The following MYO3B variants were observed in gnomAD, a reference collection of about 807,000 sequenced individuals.
MYO3B encodes myosin-IIIb.
Under a neutral mutation model 174.6 loss-of-function variants are expected in MYO3B, and 156 were observed. That is an observed-to-expected ratio of 0.89 (90% CI 0.78 to 1.02). The LOEUF (loss-of-function observed/expected upper bound fraction) is 1.02, where lower values mean the gene tolerates loss of function less well. MYO3B is among the 50% of genes least tolerant of loss of function. The pLI, the probability that MYO3B is intolerant of heterozygous loss-of-function variation, is 0.00. For missense variants in MYO3B, 1,632 were observed against 1,639.4 expected (o/e 1.00, Z 0.08); for synonymous variants, 563 against 569.1 (o/e 0.99, Z 0.15).
At chr2:170,636,242 C>A (rs1453393786) in intron 32 of MYO3B, among the ~76,000 whole-genome samples, 1 of 152,146 alleles carries the variant, frequency 6.6e-6, no homozygotes, top group Non-Finnish European at 1.5e-5. Flanking sequence ...ATAACTGGTT[C>A]ATCATGGCCA....
Position 170,444,041 on chromosome 2 carries a change from G to A in MYO3B, c.2725G>A (p.Ala909Thr), listed in dbSNP as rs930783937. The A allele has an allele frequency of 2.2e-5, 35 of 1,612,548 alleles. No homozygotes were observed. Among genetic ancestry groups the A allele is most frequent in the Non-Finnish European group, 2.9e-5 (34 of 1,178,962 alleles). ...GCCTCCACATTTCAGTGCTGGGAAAGCCAAGGTGAGTAACAGATTTGCACC... is the reference window on the plus strand; with the variant it reads ...GCCTCCACATTTCAGTGCTGGGAAAACCAAGGTGAGTAACAGATTTGCACC... Reference protein sequence around the residue: ...SLPPHFSAGKAKVDTLEVIRH... With the variant: ...SLPPHFSAGKTKVDTLEVIRH... Residue 909 changes from alanine to threonine, a missense_variant, in exon 23 of 35, where the codon GCC becomes ACC. Physicochemically the swap from Ala to Thr is moderately conservative, Grantham distance 58. Coordinates refer to ENST00000408978, the MANE Select transcript of MYO3B (RefSeq NM_138995.5).
chr2:170,631,744 A>G (rs897300580), intron 32 of MYO3B, among the ~76,000 whole-genome samples: 1 of 151,574 alleles, frequency 6.6e-6, no homozygotes, highest in South Asian at 2.1e-4. Flanking sequence ...AGTGGGGGCC[A>G]ATATTCAACA....
chr2:170,386,329 T>G (rs1288532520), intron 13 of MYO3B, 57 bp downstream of exon 13: 1 of 1,419,396 alleles, frequency 7.0e-7, no homozygotes, highest in African/African-American at 1.4e-5. Flanking sequence ...AGTAACTGCA[T>G]ATTTGATAAA....
intron 7 of MYO3B, among the ~76,000 whole-genome samples, chr2:170,273,287 T>TTC (rs774356665): frequency 3.9e-5 from 6 of 152,042 alleles, no homozygotes; most frequent in Non-Finnish European, 8.8e-5. Flanking sequence ...CCACCTGCAT[T>TTC]TCTGTCTTGG....
chr2:170,225,729 CA>C (rs2092945291), intron 6 of MYO3B, among the ~76,000 whole-genome samples: 1 of 152,040 alleles, frequency 6.6e-6, no homozygotes, highest in African/African-American at 2.4e-5. Context: ...CCCATATAAC[CA>C]GTAACCTCAG....
intron 28 of MYO3B, among the ~76,000 whole-genome samples, chr2:170,509,496 C>T (rs186716650): frequency 9.8e-5 from 15 of 152,340 alleles, no homozygotes; most frequent in Admixed American, 5.2e-4. Context: ...TCTTAACTTA[C>T]GTCTTGTTTA....
intron 7 of MYO3B, among the ~76,000 whole-genome samples, chr2:170,311,357 T>C (rs1175674954): frequency 6.6e-6 from 1 of 152,150 alleles, no homozygotes; most frequent in Non-Finnish European, 1.5e-5. Context: ...ATTTCTCTGA[T>C]GACTAATGGT....
chr2:170,622,734 C>A lies in MYO3B; in HGVS notation c.3734-28894C>A, dbSNP rs1399682909. On this transcript the variant is annotated intron_variant, in intron 32 of 34. Transcript: ENST00000408978. The stretch of plus-strand genomic sequence containing the variant: ...CTATCCCTCACCCCTCCCCCCACCC[C>A]ACAACAGGCCCCGGTGTGTGATGTT... Among the ~76,000 whole-genome samples the A allele has an allele frequency of 3.7e-5, 5 of 134,334 alleles. No individual in the cohort carries two copies. In the East Asian group the frequency reaches 1.3e-3, roughly 34 times the overall value. 88.1% of individuals were successfully genotyped at this position (134,334 alleles called of 152,430 possible).
At chr2:170,561,172 G>A (rs1691686573) in intron 32 of MYO3B, among the ~76,000 whole-genome samples, 1 of 152,104 alleles carries the variant, frequency 6.6e-6, no homozygotes, top group African/African-American at 2.4e-5. Flanking sequence ...TTTAACACTG[G>A]GAGGGCACTG....
chr2:170,522,406 C>G (rs1451111625), intron 30 of MYO3B, among the ~76,000 whole-genome samples: 1 of 152,186 alleles, frequency 6.6e-6, no homozygotes, highest in Non-Finnish European at 1.5e-5. Flanking sequence ...TGACCCCTAC[C>G]TCTCACTTAA....
chr2:170,273,277 C>A (rs113214268), intron 7 of MYO3B, among the ~76,000 whole-genome samples: 2 of 152,108 alleles, frequency 1.3e-5, no homozygotes, highest in East Asian at 1.9e-4. Context: ...CTGGAGCAAC[C>A]CACCTGCATT....
intron 8 of MYO3B, among the ~76,000 whole-genome samples, chr2:170,364,179 G>A (rs914928720): frequency 8.7e-4 from 133 of 152,236 alleles, no homozygotes; most frequent in African/African-American, 2.8e-3. Flanking sequence ...GCGACTAATT[G>A]CTTACAACAG....
At chr2:170,473,664 C>G (rs375924141) in intron 25 of MYO3B, among the ~76,000 whole-genome samples, 6 of 152,284 alleles carry the variant, frequency 3.9e-5, no homozygotes, top group Admixed American at 2.0e-4. Flanking sequence ...TAAAATAAGG[C>G]TGTAACCCAG....
chr2:170,211,831 C>T lies in MYO3B; in HGVS notation c.322-2548C>T, dbSNP rs111293017. ...CATACAGGAAGTCATGCAAAGCACA[C>T]CAGATTGGCTACAGCTTAAGACCAA... On this transcript the variant is annotated intron_variant, in intron 3 of 34. Coordinates refer to ENST00000408978, the MANE Select transcript of MYO3B (RefSeq NM_138995.5). 8.2e-3 allele frequency among the ~76,000 whole-genome samples: 1,246 copies of T among 152,186 alleles called. 22 individuals are homozygous for T. Among genetic ancestry groups the T allele is most frequent in the African/African-American group, 0.028 (1,171 of 41,494 alleles).
chr2:170,224,294 G>T (rs2105389065), intron 6 of MYO3B, among the ~76,000 whole-genome samples: 1 of 152,304 alleles, frequency 6.6e-6, no homozygotes, highest in Non-Finnish European at 1.5e-5. Context: ...AGGAGGAATC[G>T]AGCCCAAATT....
At chr2:170,257,823 C>T (rs1240062593) in intron 7 of MYO3B, among the ~76,000 whole-genome samples, 1 of 152,040 alleles carries the variant, frequency 6.6e-6, no homozygotes, top group Non-Finnish European at 1.5e-5. Context: ...CAATAGACCA[C>T]TGACTAAGTT....
rs540176702 is a variant in MYO3B at position 170,303,921 on chromosome 2, G to A, written c.750-31464G>A. Among the ~76,000 whole-genome samples the A allele has an allele frequency of 3.9e-5, 6 of 152,176 alleles. No homozygotes were observed. In the East Asian group the frequency reaches 9.6e-4, roughly 24 times the overall value. ...TTCACTTAGCAATTTTATTAAAGAT[G>A]TCTTTCCTTATTAGTACTTACATAG... On this transcript the variant is annotated intron_variant, in intron 7 of 34. Coordinates refer to ENST00000408978, the MANE Select transcript of MYO3B (RefSeq NM_138995.5).
intron 32 of MYO3B, among the ~76,000 whole-genome samples, chr2:170,561,042 G>A (rs750664611): frequency 2.0e-5 from 3 of 152,182 alleles, no homozygotes; most frequent in African/African-American, 7.2e-5. Flanking sequence ...AACTTGGGTT[G>A]CCATTAAGAA....
intron 25 of MYO3B, among the ~76,000 whole-genome samples, chr2:170,476,137 C>T (rs1474217860): frequency 1.3e-5 from 2 of 152,136 alleles, no homozygotes; most frequent in Non-Finnish European, 2.9e-5. Context: ...ACTGCTGAAA[C>T]CACCTGCGGG....
Sources: allele counts gnomAD v4.1 joint callset (sites outside exome capture counted in the v4.1 genomes callset), GRCh38; gene constraint gnomAD v4.1.1; transcripts MANE v1.5; gene names NCBI Gene and HGNC (gene_info 2026-07-23, HGNC 2026-07-21).